Variants in MELK observed in about 807,000 individuals in gnomAD.
The protein encoded by MELK is maternal embryonic leucine zipper kinase.
MELK carries 81 observed loss-of-function variants against 85.0 expected under a neutral mutation model. The observed-to-expected ratio is 0.95, with a 90% CI of 0.80 to 1.15. The LOEUF is 1.15. Among genes scored for constraint, MELK ranks in the 50% most tolerant of loss-of-function variants. The pLI is 0.00. For synonymous variants in MELK, 252 were observed against 265.0 expected, an observed-to-expected ratio of 0.95 and a Z score of 0.48; for missense variants, 754 against 777.5, an observed-to-expected ratio of 0.97 and a Z score of 0.36.
chr9:36,623,803 A>G (rs970617042), intron 8 of MELK, among the ~76,000 whole-genome samples: 23 of 152,264 alleles, frequency 1.5e-4, no homozygotes, highest in Admixed American at 1.5e-3. Context: ...GAATATTCCT[A>G]TCTCCTGTTT....
intron 14 of MELK, among the ~76,000 whole-genome samples, chr9:36,668,126 G>A (rs144776145): frequency 5.6e-4 from 85 of 152,154 alleles, no homozygotes; most frequent in African/African-American, 1.9e-3. Flanking sequence ...TTTCATTTTC[G>A]TCACTCCTAC....
intron 16 of MELK, among the ~76,000 whole-genome samples, chr9:36,672,504 G>T (rs1277906257): frequency 2.6e-5 from 4 of 152,176 alleles, no homozygotes; most frequent in African/African-American, 9.7e-5. Context: ...TTTTTCAATA[G>T]AAACTACTGT....
chr9:36,609,562 C>T (rs2135900391), intron 8 of MELK, among the ~76,000 whole-genome samples: 1 of 151,880 alleles, frequency 6.6e-6, no homozygotes, highest in Non-Finnish European at 1.5e-5. Flanking sequence ...GTCCTCCCAC[C>T]TCAACCTCCC....
intron 3 of MELK, among the ~76,000 whole-genome samples, chr9:36,587,794 G>A (rs1280822799): frequency 6.8e-6 from 1 of 146,482 alleles, no homozygotes; most frequent in Non-Finnish European, 1.5e-5. Flanking sequence ...TAATTTTTTC[G>A]ATACAGAGTC....
At chr9:36,617,758 T>A (rs1826989217) in intron 8 of MELK, among the ~76,000 whole-genome samples, 1 of 152,180 alleles carries the variant, frequency 6.6e-6, no homozygotes, top group African/African-American at 2.4e-5. Flanking sequence ...TGCTTTAGTA[T>A]GTTTTCTTGA....
At chr9:36,653,941 G>C (rs1289418142) in intron 12 of MELK, among the ~76,000 whole-genome samples, 1 of 152,156 alleles carries the variant, frequency 6.6e-6, no homozygotes, top group Non-Finnish European at 1.5e-5. Context: ...GTCACTGCCA[G>C]AACTAACCTG....
chr9:36,599,382 T>C lies in MELK; in HGVS notation c.475-12T>C. ...TTGTAATTAATAAGTTTCATTTTTATCTTATTGGCAGGGTAACAAGGATTA... is the reference window on the plus strand; with the variant it reads ...TTGTAATTAATAAGTTTCATTTTTACCTTATTGGCAGGGTAACAAGGATTA... On this transcript the variant is annotated splice_polypyrimidine_tract_variant and intron_variant, in intron 6 of 17. Transcript: ENST00000298048. 1.3e-6 allele frequency: 2 copies of C among 1,565,758 alleles called. 1 individual carries two copies. Among genetic ancestry groups the C allele is most frequent in the Non-Finnish European group, 1.8e-6 (2 of 1,140,626 alleles).
chr9:36,654,530 A>AT (rs1232098580), intron 12 of MELK, among the ~76,000 whole-genome samples: 1 of 150,886 alleles, frequency 6.6e-6, no homozygotes, highest in Non-Finnish European at 1.5e-5. Flanking sequence ...TAATTTTTGT[A>AT]TTTTTAGTAG....
intron 7 of MELK, chr9:36,606,951 A>T (rs1825624362): frequency 6.6e-6 from 1 of 151,750 alleles, no homozygotes; most frequent in African/African-American, 2.4e-5. Flanking sequence ...TGCCCGGCTA[A>T]TTTTTGTAGT....
At chr9:36,652,401 T>G (rs1264906155) in intron 12 of MELK, among the ~76,000 whole-genome samples, 1 of 151,554 alleles carries the variant, frequency 6.6e-6, no homozygotes, top group Non-Finnish European at 1.5e-5. Context: ...CCTGACTCCT[T>G]TTTTTTCATA....
chr9:36,614,015 G>T (rs1826294217), intron 8 of MELK, among the ~76,000 whole-genome samples: 1 of 152,090 alleles, frequency 6.6e-6, no homozygotes, highest in Non-Finnish European at 1.5e-5. Flanking sequence ...GAGAACCAGG[G>T]CATCTGGTCA....
chr9:36,583,365 A>G lies in MELK; in HGVS notation c.59-262A>G, dbSNP rs559202732. Among the ~76,000 whole-genome samples the G allele has an allele frequency of 1.4e-3, 220 of 152,154 alleles. 1 individual carries two copies. The highest frequency in any genetic ancestry group is 5.0e-3 in the African/African-American group (209 of 41,530). ...TTCTAGCAGTGTTAATTATAAAGGA[A>G]ATTTAATTGCAGGATTATTCATAAA... On this transcript the variant is annotated intron_variant, in intron 2 of 17. Transcript: ENST00000298048.
At chr9:36,599,318 AAAAAAAG>A in intron 6 of MELK, 69 bp from the exon 7 acceptor site, 8 of 980,516 alleles carry the variant, frequency 8.2e-6, no homozygotes, top group South Asian at 6.8e-5. Context: ...AAAAAAAAAA[AAAAAAAG>A]AATGTTTATC....
chr9:36,666,847 CTGTGTTTGTGTGTGTGTGTGTGTGTGTG>C (rs1490743430), intron 14 of MELK, among the ~76,000 whole-genome samples: 1 of 114,022 alleles, frequency 8.8e-6, no homozygotes, highest in East Asian at 2.7e-4. Flanking sequence ...CTGATGATGT[CTGTGTTTGTGTGTGTGTGTGTGTGTGTG>C]TGTGTGTGTG....
intron 4 of MELK, among the ~76,000 whole-genome samples, chr9:36,593,895 T>A (rs1823908426): frequency 6.6e-6 from 1 of 152,102 alleles, no homozygotes; most frequent in South Asian, 2.1e-4. Flanking sequence ...TTGGCCAGGC[T>A]GGTCTCGAAC....
At position 36,607,682 on chromosome 9, in the gene MELK, T is replaced by A; in HGVS notation, c.666+9T>A. 2 of 1,547,478 alleles carry A rather than the reference T, an allele frequency of 1.3e-6. No individual in the cohort carries two copies. The highest frequency in any genetic ancestry group is 1.7e-4 in the Middle Eastern group (1 of 5,916). On this transcript the variant is annotated intron_variant, in intron 8 of 17. Coordinates refer to ENST00000298048, the MANE Select transcript of MELK (RefSeq NM_014791.4). ...TATACAAGAAGATTATGGTGAGTAT[T>A]ACAAGGCATAGAATTTCAATGTAGA...
At chr9:36,666,252 C>T (rs971852499) in intron 14 of MELK, among the ~76,000 whole-genome samples, 45 of 152,190 alleles carry the variant, frequency 3.0e-4, no homozygotes, top group African/African-American at 1.1e-3. Flanking sequence ...TTTGATCAGA[C>T]TGCCTCTTAG....
intron 2 of MELK, among the ~76,000 whole-genome samples, chr9:36,582,482 G>A (rs1015202557): frequency 2.0e-5 from 3 of 151,786 alleles, no homozygotes; most frequent in Non-Finnish European, 2.9e-5. Context: ...GGATGAGGGT[G>A]ATGTAAAAGC....
chr9:36,662,760 C>G (rs558731045), intron 13 of MELK, among the ~76,000 whole-genome samples: 1 of 152,242 alleles, frequency 6.6e-6, no homozygotes, highest in South Asian at 2.1e-4. Context: ...ATTGAAAAAC[C>G]AACCTCAGTC....
Sources: gnomAD v4.1 joint callset for allele counts (sites outside exome capture counted in the v4.1 genomes callset) on GRCh38, gnomAD v4.1.1 for gene constraint, MANE v1.5 for transcripts, NCBI Gene and HGNC (gene_info 2026-07-23, HGNC 2026-07-21) for gene names.